ARHGEF18: variants seen among roughly 807,000 people sequenced by gnomAD.
The protein encoded by ARHGEF18 is Rho/Rac guanine nucleotide exchange factor 18.
Under a neutral mutation model 155.7 loss-of-function variants are expected in ARHGEF18, and 93 were observed. The observed-to-expected ratio is 0.60, with a 90% CI of 0.50 to 0.71. The LOEUF is 0.71. ARHGEF18 is among the 30% of genes least tolerant of loss of function. ARHGEF18 has a pLI of 0.00. For synonymous variants in ARHGEF18, 742 were observed against 753.1 expected (o/e 0.99, Z 0.24); for missense variants, 1,593 against 1,816.1 (o/e 0.88, Z 2.23).
At chr19:7,434,972 C>T (rs1233193266) in intron 10 of ARHGEF18, among the ~76,000 whole-genome samples, 3 of 152,160 alleles carry the variant, frequency 2.0e-5, no homozygotes, top group South Asian at 2.1e-4. Flanking sequence ...GAGGCCAAGG[C>T]GGGCGGATCA....
In ARHGEF18 at chr19:7,362,873, C is replaced by A. The variant is rs1969688310; in HGVS notation, c.-18C>A. On this transcript the variant is annotated 5_prime_UTR_variant, in exon 2 of 29. Coordinates refer to ENST00000668164, the MANE Select transcript of ARHGEF18 (RefSeq NM_001367823.1). ...CAGTGGATCCTGGAAACCTGAGAAC[C>A]CAGACTTCTTCTCTGCCATGGGGGA... The A allele has an allele frequency of 8.1e-7, 1 of 1,234,184 alleles. No individual in the cohort carries two copies. The highest frequency in any genetic ancestry group is 1.6e-5 in the African/African-American group (1 of 64,478). 76.5% of individuals were successfully genotyped at this position (1,234,184 alleles called of 1,614,324 possible). A position where few individuals can be genotyped will look rare whatever the true frequency, so the allele number is the denominator to read the frequency against.
intron 10 of ARHGEF18, among the ~76,000 whole-genome samples, chr19:7,428,555 A>C (rs1973782374): frequency 6.6e-6 from 1 of 151,570 alleles, no homozygotes; most frequent in African/African-American, 2.4e-5. Context: ...TTAAAATCCC[A>C]CCAAAGATAA....
At chr19:7,439,547 A>G (rs1219935218) in intron 10 of ARHGEF18, 3 of 349,128 alleles carry the variant, frequency 8.6e-6, no homozygotes, top group Non-Finnish European at 1.2e-5. Flanking sequence ...CCTTAAATTA[A>G]TGAACAGATG....
chr19:7,435,411 A>G (rs1974200559), intron 10 of ARHGEF18, among the ~76,000 whole-genome samples: 1 of 152,148 alleles, frequency 6.6e-6, no homozygotes, highest in Non-Finnish European at 1.5e-5. Flanking sequence ...CAGGGGCCAC[A>G]TGGGGAAGCA....
At chr19:7,420,413 C>G (rs940455851) in intron 10 of ARHGEF18, among the ~76,000 whole-genome samples, 2 of 152,088 alleles carry the variant, frequency 1.3e-5, no homozygotes, top group Non-Finnish European at 2.9e-5. Flanking sequence ...CCATCACATT[C>G]AGCTAATTTT....
At chr19:7,448,015 A>C (rs117314657) in intron 15 of ARHGEF18, among the ~76,000 whole-genome samples, 2,152 of 152,308 alleles carry the variant, frequency 0.014, 29 homozygotes, top group Non-Finnish European at 0.021. Context: ...AAATCAATCA[A>C]AGAAAGCATA....
Position 7,372,973 on chromosome 19 carries a change from AG to A in ARHGEF18, c.179del (p.Gly60GlufsTer56). ...ACAGCCGCCCCACCGGTGAAGAACC[AG>A]GAAGAGATTCTCTTTTCTCCAGCTT... is the stretch of plus-strand genomic sequence containing the variant. The part of the protein sequence containing the change: ...PDSRPTGEEP[G>X]RDSLFSSLAG... On this transcript the variant is annotated frameshift_variant, in exon 3 of 29. Coordinates refer to ENST00000668164, the MANE Select transcript of ARHGEF18 (RefSeq NM_001367823.1). LOFTEE classifies it high-confidence loss of function. 2 of 1,234,566 alleles carry A rather than the reference AG, an allele frequency of 1.6e-6. No homozygotes were observed. Among genetic ancestry groups the A allele is most frequent in the Non-Finnish European group, 2.0e-6 (2 of 988,304 alleles). The allele number at this position is 1,234,566 out of a possible 1,614,324, so 76.5% of individuals were successfully genotyped here. A position where few individuals can be genotyped will look rare whatever the true frequency, so the allele number is the denominator to read the frequency against.
At chr19:7,446,853 G>A (rs530408544) in intron 14 of ARHGEF18, among the ~76,000 whole-genome samples, 190 bp from the exon 15 acceptor site, 2 of 147,016 alleles carry the variant, frequency 1.4e-5, no homozygotes, top group African/African-American at 2.5e-5. Context: ...CCAAGATCGC[G>A]CCATTGCTCT....
At chr19:7,372,191 TC>T (rs1339109873) in intron 2 of ARHGEF18, among the ~76,000 whole-genome samples, 1 of 152,126 alleles carries the variant, frequency 6.6e-6, no homozygotes, top group Admixed American at 6.5e-5. Context: ...ACAATTCCTG[TC>T]CTGCAGATCC....
chr19:7,381,158 C>T (rs981529543), intron 8 of ARHGEF18, among the ~76,000 whole-genome samples, 164 bp downstream of exon 8: 1 of 152,028 alleles, frequency 6.6e-6, no homozygotes, highest in African/African-American at 2.4e-5. Flanking sequence ...CTCCCGTATA[C>T]CCTGAGAGGA....
chr19:7,442,311 A>G (rs1974715507), intron 13 of ARHGEF18, among the ~76,000 whole-genome samples: 1 of 151,166 alleles, frequency 6.6e-6, no homozygotes, highest in Non-Finnish European at 1.5e-5. Context: ...ATCAGAGCTC[A>G]CTGCAGCCTC....
At chr19:7,406,230 G>A (rs571353829) in intron 10 of ARHGEF18, among the ~76,000 whole-genome samples, 6 of 152,104 alleles carry the variant, frequency 3.9e-5, no homozygotes, top group East Asian at 1.9e-4. Flanking sequence ...GATTACAGGC[G>A]CGTGCCACCA....
intron 3 of ARHGEF18, among the ~76,000 whole-genome samples, chr19:7,375,073 A>G (rs1045383295): frequency 7.9e-5 from 12 of 152,048 alleles, no homozygotes; most frequent in African/African-American, 2.9e-4. Flanking sequence ...GGAGTTCGAG[A>G]TCAGCCTGGC....
In ARHGEF18 at chr19:7,388,214, C is replaced by A. The variant is rs147420283; in HGVS notation, c.967+5011C>A. ...CAATGGTTAGCATTACCGTATGGAG[C>A]ACTTACACTATCCCAAGCACTGTAA... On this transcript the variant is annotated intron_variant, in intron 10 of 28. Coordinates refer to ENST00000668164, the MANE Select transcript of ARHGEF18 (RefSeq NM_001367823.1). Among the ~76,000 whole-genome samples the A allele has an allele frequency of 2.5e-3, 376 of 152,176 alleles. 1 individual carries two copies. Among genetic ancestry groups the A allele is most frequent in the African/African-American group, 8.3e-3 (346 of 41,556 alleles).
intron 10 of ARHGEF18, among the ~76,000 whole-genome samples, chr19:7,434,350 A>G (rs964856747): frequency 6.6e-6 from 1 of 152,124 alleles, no homozygotes; most frequent in African/African-American, 2.4e-5. Flanking sequence ...CACCCTGAGG[A>G]TAGGCCACTG....
At position 7,447,153 on chromosome 19, in the gene ARHGEF18, T is replaced by C; in HGVS notation, c.1722T>C (p.Phe574=). The C allele has an allele frequency of 6.2e-7, 1 of 1,611,236 alleles. No homozygotes were observed. Among genetic ancestry groups the C allele is most frequent in the Non-Finnish European group, 8.5e-7 (1 of 1,179,154 alleles). ...TGCTGCTTCAGCAAAACAAGAAATT[T>C]CAAAACTTGATCAAGGTAAAAACAA... The part of the protein sequence containing the change: ...YKLLLQQNKK[F]QNLIKKIGNF... The change falls in exon 15 of 29, where the codon TTT becomes TTC. Residue 574 remains phenylalanine, a synonymous_variant. Coordinates refer to ENST00000668164, the MANE Select transcript of ARHGEF18 (RefSeq NM_001367823.1).
At chr19:7,374,626 C>T (rs918714021) in intron 3 of ARHGEF18, among the ~76,000 whole-genome samples, 4 of 148,380 alleles carry the variant, frequency 2.7e-5, no homozygotes, top group Non-Finnish European at 6.0e-5. Flanking sequence ...TGCAGTGAGC[C>T]AAGTTTATGC....
At position 7,451,226 on chromosome 19, in the gene ARHGEF18, A is replaced by G. The variant is rs761922569; in HGVS notation, c.1815A>G (p.Lys605=). The change falls in exon 16 of 29, where the codon AAA becomes AAG. Residue 605 remains lysine (K), a synonymous_variant. Coordinates refer to ENST00000668164, the MANE Select transcript of ARHGEF18 (RefSeq NM_001367823.1). ...CILLVTQRIT[K]YPVLVERIIQ... is the part of the protein sequence containing the mutation. ...TCCTGGTTACACAACGCATAACCAA[A>G]TACCCAGTGCTGGTGGAGCGCATCA... 1.9e-6 allele frequency: 3 copies of G among 1,610,128 alleles called. No individual in the cohort carries two copies. Among genetic ancestry groups the G allele is most frequent in the South Asian group, 2.2e-5 (2 of 90,890 alleles).
intron 15 of ARHGEF18, among the ~76,000 whole-genome samples, chr19:7,448,053 G>A (rs549280584): frequency 5.3e-5 from 8 of 152,244 alleles, no homozygotes; most frequent in African/African-American, 1.2e-4. Context: ...ACCAGGCCAC[G>A]GTGGCCCCTG....
Sources: allele counts gnomAD v4.1 joint callset (sites outside exome capture counted in the v4.1 genomes callset), GRCh38; gene constraint gnomAD v4.1.1; transcripts MANE v1.5; gene names NCBI Gene and HGNC (gene_info 2026-07-23, HGNC 2026-07-21).